ANO4: variants seen among roughly 807,000 people sequenced by gnomAD.
ANO4 encodes the protein anoctamin-4.
Under a neutral mutation model 141.9 loss-of-function variants are expected in ANO4, and 69 were observed. That is an observed-to-expected ratio of 0.49 (90% CI 0.40 to 0.59). The LOEUF (loss-of-function observed/expected upper bound fraction) is 0.59, where lower values mean the gene tolerates loss of function less well. ANO4 is among the 20% of genes least tolerant of loss of function. ANO4 has a pLI of 0.00. For synonymous variants in ANO4, 350 were observed against 394.3 expected (o/e 0.89, Z 1.33); for missense variants, 894 against 1,162.2 (o/e 0.77, Z 3.36).
Position 100,918,559 on chromosome 12 carries a change from A to T in ANO4, c.56-3667A>T, listed in dbSNP as rs998317890. On this transcript the variant is annotated intron_variant, in intron 2 of 27. Coordinates refer to ENST00000392977, the MANE Select transcript of ANO4 (RefSeq NM_001286615.2). ...CATAAACCATGGTGGTCCCATTAAG[A>T]TTATAATGGAGCTGAAAAATTCCTA... Among the ~76,000 whole-genome samples, 3 of 152,152 alleles carry T rather than the reference A, an allele frequency of 2.0e-5. No homozygotes were observed. The South Asian group carries it at 6.2e-4, about 31-fold the overall frequency.
chr12:100,810,559 G>A (rs1348137721), intron 1 of ANO4, among the ~76,000 whole-genome samples: 1 of 152,138 alleles, frequency 6.6e-6, no homozygotes, highest in Non-Finnish European at 1.5e-5. Context: ...CAAGGCTGGT[G>A]CAGAGGTCCA....
chr12:101,043,518 C>T (rs2047496061), intron 12 of ANO4, 21 bp from the exon 13 acceptor site: 1 of 1,582,560 alleles, frequency 6.3e-7, no homozygotes. Context: ...AAAAAGCAGT[C>T]CTTTCTGTTC....
chr12:100,927,207 C>A (rs1359254110), intron 3 of ANO4, among the ~76,000 whole-genome samples: 1 of 152,086 alleles, frequency 6.6e-6, no homozygotes, highest in Non-Finnish European at 1.5e-5. Flanking sequence ...TTGCACAGTT[C>A]TGGATACATG....
chr12:100,873,803 G>A (rs2039151959), intron 1 of ANO4, among the ~76,000 whole-genome samples: 1 of 152,224 alleles, frequency 6.6e-6, no homozygotes, highest in African/African-American at 2.4e-5. Flanking sequence ...GGAGCTGAAT[G>A]TTAATAGCCA....
rs1402565853 is a variant in ANO4 at position 100,973,285 on chromosome 12, GA to G, written c.558-1559del. Among the ~76,000 whole-genome samples the G allele has an allele frequency of 2.0e-5, 3 of 152,284 alleles. No individual in the cohort carries two copies. The East Asian group carries it at 5.8e-4, about 29-fold the overall frequency. On this transcript the variant is annotated intron_variant, in intron 6 of 27. Transcript: ENST00000392977. ...TAAGGAGATACATGCATTTCCAAAG[GA>G]GGAATTCTCCTACTACATCATTTCA... is the stretch of plus-strand genomic sequence containing the variant.
chr12:100,993,766 G>A lies in ANO4; in HGVS notation c.734+6096G>A, dbSNP rs191844599. 3.3e-3 allele frequency among the ~76,000 whole-genome samples: 495 copies of A among 152,234 alleles called. 3 individuals are homozygous for A. Among genetic ancestry groups the A allele is most frequent in the African/African-American group, 0.011 (456 of 41,542 alleles). On this transcript the variant is annotated intron_variant, in intron 8 of 27. Transcript: ENST00000392977. Reference sequence around the variant, plus strand: ...TATATAGCACTTTCACACACATTTCGTAGTCTAGAGCTTAGTCATGTAGTA... The same window carrying A: ...TATATAGCACTTTCACACACATTTCATAGTCTAGAGCTTAGTCATGTAGTA...
chr12:100,921,787 G>A lies in ANO4; in HGVS notation c.56-439G>A, dbSNP rs186425824. 9.9e-4 allele frequency among the ~76,000 whole-genome samples: 150 copies of A among 152,138 alleles called. 2 individuals are homozygous for A. Among genetic ancestry groups the A allele is most frequent in the African/African-American group, 3.4e-3 (142 of 41,536 alleles). On this transcript the variant is annotated intron_variant, in intron 2 of 27. Coordinates refer to ENST00000392977, the MANE Select transcript of ANO4 (RefSeq NM_001286615.2). ...ACCTAAGTATTAATACCTTGTTTCC[G>A]TAATATCAAGAATATTAAATCCATC...
chr12:100,915,454 G>GAAA (rs2041295077), intron 2 of ANO4, among the ~76,000 whole-genome samples: 1 of 152,114 alleles, frequency 6.6e-6, no homozygotes, highest in African/African-American at 2.4e-5. Context: ...GGCTATCATA[G>GAAA]AAAATATCAT....
intron 1 of ANO4, among the ~76,000 whole-genome samples, chr12:100,877,735 A>G (rs924810893): frequency 6.6e-6 from 1 of 152,170 alleles, no homozygotes. Flanking sequence ...TCAGCTGCTC[A>G]GGTGCAAGTA....
intron 2 of ANO4, among the ~76,000 whole-genome samples, chr12:100,917,956 A>C (rs952900610): frequency 3.3e-5 from 5 of 152,210 alleles, no homozygotes; most frequent in African/African-American, 9.6e-5. Flanking sequence ...TTCAGTCTTA[A>C]ATCCTGAACT....
chr12:101,117,197 C>T (rs1206929467), intron 25 of ANO4, among the ~76,000 whole-genome samples: 1 of 152,212 alleles, frequency 6.6e-6, no homozygotes, highest in African/African-American at 2.4e-5. Flanking sequence ...TATCACATCA[C>T]ATTTCTAAAT....
At chr12:101,059,074 G>A (rs957007546) in intron 14 of ANO4, among the ~76,000 whole-genome samples, 1 of 152,040 alleles carries the variant, frequency 6.6e-6, no homozygotes. Context: ...AGCATGAAGC[G>A]GTGTTGAATT....
chr12:100,739,046 T>C (rs2031740339), intron 2 of ANO4, among the ~76,000 whole-genome samples: 1 of 147,058 alleles, frequency 6.8e-6, no homozygotes, highest in Admixed American at 6.8e-5. Flanking sequence ...TAAATCTTTA[T>C]ATATATATCT....
At chr12:100,733,869 T>G in intron 2 of ANO4, 1 of 688,260 alleles carries the variant, frequency 1.5e-6, no homozygotes. Context: ...TGAGCACTAG[T>G]GTCATTTTGA....
At chr12:101,116,582 T>A (rs1249629903) in intron 24 of ANO4, 97 bp from the exon 25 acceptor site, 8 of 1,563,256 alleles carry the variant, frequency 5.1e-6, no homozygotes, top group African/African-American at 2.7e-5. Context: ...TAAAGGCATT[T>A]ACAATTGCAG....
chr12:101,110,997 A>AT (rs2050642228), intron 23 of ANO4, among the ~76,000 whole-genome samples: 4 of 152,250 alleles, frequency 2.6e-5, no homozygotes, highest in African/African-American at 9.6e-5. Context: ...AATCAGATGC[A>AT]GCTCGCATGA....
chr12:100,739,807 A>G (rs1353994037), intron 2 of ANO4: 4 of 697,624 alleles, frequency 5.7e-6, no homozygotes, highest in Non-Finnish European at 1.0e-5. Flanking sequence ...TAAGCACACT[A>G]TATGGCTTTG....
intron 2 of ANO4, among the ~76,000 whole-genome samples, chr12:100,913,882 T>G (rs2041221992): frequency 6.6e-6 from 1 of 152,168 alleles, no homozygotes; most frequent in African/African-American, 2.4e-5. Flanking sequence ...CAATATTCCT[T>G]CTCATATTTA....
At chr12:100,726,514 T>C (rs907530420) in intron 1 of ANO4, among the ~76,000 whole-genome samples, 6 of 152,236 alleles carry the variant, frequency 3.9e-5, no homozygotes, top group African/African-American at 1.4e-4. Flanking sequence ...AGTTAAGCTG[T>C]AGATCAGTGC....
Sources: allele counts gnomAD v4.1 joint callset (sites outside exome capture counted in the v4.1 genomes callset), GRCh38; gene constraint gnomAD v4.1.1; transcripts MANE v1.5; gene names NCBI Gene and HGNC (gene_info 2026-07-23, HGNC 2026-07-21).